Variants in CCDC171 observed in about 807,000 individuals in gnomAD.
The protein encoded by CCDC171 is coiled-coil domain containing 171.
In CCDC171, 177 loss-of-function variants were observed where a neutral mutation model predicts 168.2. That is an observed-to-expected ratio of 1.05 (90% CI 0.93 to 1.19). The LOEUF (loss-of-function observed/expected upper bound fraction) is 1.19, where lower values mean the gene tolerates loss of function less well. Ranked by LOEUF, CCDC171 falls within the 50% of genes most tolerant of loss-of-function variation. The pLI is 0.00. For missense variants in CCDC171, 1,991 were observed against 1,539.0 expected (o/e 1.29, Z -4.91); for synonymous variants, 687 against 540.8 (o/e 1.27, Z -3.75).
At chr9:16,073,592 C>CATTTAT in the CCDC171 span, among the ~76,000 whole-genome samples, 6 of 152,142 alleles carry the variant, frequency 3.9e-5, no homozygotes, top group South Asian at 2.1e-4. Flanking sequence ...GAATATAAAC[C>CATTTAT]ATTTATATTT....
At chr9:15,941,591 A>G (rs1827742857) in intron 25 of CCDC171, among the ~76,000 whole-genome samples, 1 of 151,976 alleles carries the variant, frequency 6.6e-6, no homozygotes, top group Non-Finnish European at 1.5e-5. Flanking sequence ...AACGCTTGAT[A>G]TTTTTAATGT....
Position 15,613,934 on chromosome 9 carries a change from A to G in CCDC171, c.676-9333A>G, listed in dbSNP as rs1006924914. On this transcript the variant is annotated intron_variant, in intron 6 of 25. Coordinates refer to ENST00000380701, the MANE Select transcript of CCDC171 (RefSeq NM_173550.4). Reference sequence around the variant, plus strand: ...GTGTATTCTTTGTCATGTGTGGCCAATGAAATCTCTACTTGGTTTGTAGAT... The same window carrying G: ...GTGTATTCTTTGTCATGTGTGGCCAGTGAAATCTCTACTTGGTTTGTAGAT... 3.3e-5 allele frequency among the ~76,000 whole-genome samples: 5 copies of G among 152,238 alleles called. No homozygotes were observed. The East Asian group carries it at 5.8e-4, about 18-fold the overall frequency.
chr9:15,952,979 T>G (rs573692074), intron 25 of CCDC171, among the ~76,000 whole-genome samples: 1 of 152,194 alleles, frequency 6.6e-6, no homozygotes, highest in African/African-American at 2.4e-5. Flanking sequence ...GCTTTTCATA[T>G]CATTTATTGT....
At chr9:15,815,484 A>G (rs1421990818) in intron 21 of CCDC171, among the ~76,000 whole-genome samples, 2 of 111,756 alleles carry the variant, frequency 1.8e-5, no homozygotes, top group African/African-American at 6.8e-5. Context: ...TCATTATACT[A>G]ATTCTGGCAG....
intron 8 of CCDC171, among the ~76,000 whole-genome samples, chr9:15,658,454 G>A (rs1039463965): frequency 6.6e-6 from 1 of 152,168 alleles, no homozygotes; most frequent in Non-Finnish European, 1.5e-5. Flanking sequence ...GGCTCCTGTG[G>A]CAGAATAACA....
intron 24 of CCDC171, among the ~76,000 whole-genome samples, chr9:15,916,413 C>CTTTGT (rs1554680629): frequency 1.6e-3 from 24 of 14,896 alleles, no homozygotes; most frequent in Non-Finnish European, 9.3e-3. Context: ...AATATATTTA[C>CTTTGT]GTAAGATATA....
At chr9:16,022,391 AC>A (rs1833191652) in exon 5 of CCDC171, 1 of 152,252 alleles carries the variant, frequency 6.6e-6, no homozygotes, top group South Asian at 2.1e-4. Flanking sequence ...GACTGTGGCT[AC>A]TATGAGGGCC....
Position 15,623,529 on chromosome 9 carries a change from A to G in CCDC171, c.822+116A>G, listed in dbSNP as rs905954636. The G allele has an allele frequency of 1.3e-5, 7 of 533,204 alleles. No individual in the cohort carries two copies. In the African/African-American group the frequency reaches 1.4e-4, roughly 11 times the overall value. 33.0% of individuals were successfully genotyped at this position (533,204 alleles called of 1,614,324 possible). Reference sequence around the variant, plus strand: ...CACATAAAACCCATTCCGTGATTTAAGATTGGAGAGTTTTACTCTGTGATA... The same window carrying G: ...CACATAAAACCCATTCCGTGATTTAGGATTGGAGAGTTTTACTCTGTGATA... On this transcript the variant is annotated intron_variant, in intron 7 of 25. Coordinates refer to ENST00000380701, the MANE Select transcript of CCDC171 (RefSeq NM_173550.4).
chr9:15,959,873 G>C (rs1830177041), intron 25 of CCDC171, among the ~76,000 whole-genome samples: 2 of 152,322 alleles, frequency 1.3e-5, no homozygotes, highest in East Asian at 1.9e-4. Flanking sequence ...GATACTGCAA[G>C]GCACTGGGTT....
chr9:15,908,934 A>T (rs942020347), intron 24 of CCDC171, among the ~76,000 whole-genome samples: 4 of 152,172 alleles, frequency 2.6e-5, no homozygotes, highest in Non-Finnish European at 5.9e-5. Context: ...ACAATTCAAC[A>T]TGAGACTTGG....
intron 22 of CCDC171, among the ~76,000 whole-genome samples, chr9:15,847,445 T>C (rs2060946440): frequency 6.6e-6 from 1 of 152,086 alleles, no homozygotes; most frequent in African/African-American, 2.4e-5. Context: ...TTTCCTTTTT[T>C]ATTTTAAACC....
intron 7 of CCDC171, among the ~76,000 whole-genome samples, chr9:15,654,781 G>A (rs908036270): frequency 1.3e-5 from 2 of 152,230 alleles, no homozygotes; most frequent in African/African-American, 4.8e-5. Flanking sequence ...TCATCTCACT[G>A]GGGAGTGTTG....
chr9:15,777,937 C>T, intron 19 of CCDC171, 111 bp downstream of exon 19: 1 of 670,842 alleles, frequency 1.5e-6, no homozygotes, highest in Admixed American at 3.7e-5. Flanking sequence ...TCTGGATTTT[C>T]TTTATAGTTC....
At chr9:15,966,399 A>G (rs1830792312) in intron 25 of CCDC171, among the ~76,000 whole-genome samples, 1 of 152,216 alleles carries the variant, frequency 6.6e-6, no homozygotes, top group Admixed American at 6.5e-5. Flanking sequence ...AGGAAATGGT[A>G]GATGAGGCTG....
chr9:16,042,608 G>A (rs182728418), upstream of CCDC171, among the ~76,000 whole-genome samples: 882 of 152,256 alleles, frequency 5.8e-3, 7 homozygotes, highest in Non-Finnish European at 9.5e-3. Context: ...AGTCTCTGGG[G>A]CACATTTGAG....
At chr9:15,914,858 CT>C (rs1563993393) in intron 24 of CCDC171, among the ~76,000 whole-genome samples, 1 of 152,258 alleles carries the variant, frequency 6.6e-6, no homozygotes, top group East Asian at 1.9e-4. Context: ...AGCACCATCC[CT>C]CACGTCAGGG....
At chr9:15,838,857 T>C (rs972484567) in intron 21 of CCDC171, among the ~76,000 whole-genome samples, 3 of 152,202 alleles carry the variant, frequency 2.0e-5, no homozygotes, top group African/African-American at 7.2e-5. Flanking sequence ...TTGAGCTTGG[T>C]ATCTTGATAT....
intron 11 of CCDC171, among the ~76,000 whole-genome samples, chr9:15,698,742 A>T (rs1005061431): frequency 2.6e-4 from 39 of 152,148 alleles, no homozygotes; most frequent in Middle Eastern, 6.8e-3. Context: ...TTTTAGAGAC[A>T]GTGTGTTGCT....
chr9:15,880,523 C>G (rs1376718901), intron 24 of CCDC171, among the ~76,000 whole-genome samples: 3 of 148,240 alleles, frequency 2.0e-5, no homozygotes, highest in African/African-American at 7.5e-5. Flanking sequence ...GTGACGTGAT[C>G]TCGGCTCATT....
Sources: gnomAD v4.1 joint callset for allele counts (sites outside exome capture counted in the v4.1 genomes callset) on GRCh38, gnomAD v4.1.1 for gene constraint, MANE v1.5 for transcripts, NCBI Gene and HGNC (gene_info 2026-07-23, HGNC 2026-07-21) for gene names.